Variants in MIPEP observed in about 807,000 individuals in gnomAD.
MIPEP encodes mitochondrial intermediate peptidase.
A neutral mutation model predicts 90.3 loss-of-function variants in MIPEP; 79 were observed. The ratio of observed to expected loss-of-function variants is 0.87; its 90% confidence interval spans 0.73 to 1.05. The LOEUF is 1.05. Ranked by LOEUF, MIPEP falls within the 50% of genes least tolerant of loss-of-function variation. The pLI is 0.00. For missense variants in MIPEP, 940 were observed against 905.6 expected (o/e 1.04, Z -0.49); for synonymous variants, 334 against 315.8 (o/e 1.06, Z -0.61).
intron 5 of MIPEP, among the ~76,000 whole-genome samples, chr13:23,874,632 T>C (rs1870979353): frequency 6.6e-6 from 1 of 152,232 alleles, no homozygotes. Flanking sequence ...CTCAAGCCTG[T>C]CTTAATTCTG....
intron 5 of MIPEP, among the ~76,000 whole-genome samples, chr13:23,871,016 G>T (rs770936984): frequency 7.2e-5 from 11 of 152,136 alleles, no homozygotes; most frequent in Non-Finnish European, 1.6e-4. Context: ...GGGCAACAAA[G>T]CGAGACCCTG....
intron 6 of MIPEP, 92 bp downstream of exon 6, chr13:23,869,921 A>C (rs1364881893): frequency 9.6e-7 from 1 of 1,039,206 alleles, no homozygotes; most frequent in African/African-American, 1.6e-5. Flanking sequence ...AAAGTTTTTA[A>C]GGATACTATT....
intron 10 of MIPEP, among the ~76,000 whole-genome samples, chr13:23,853,788 G>C (rs1034106400): frequency 6.6e-6 from 1 of 151,752 alleles, no homozygotes; most frequent in Admixed American, 6.6e-5. Context: ...GGCTGGTCTT[G>C]AACTCCTGAC....
At chr13:23,795,093 A>T (rs755586905) in intron 16 of MIPEP, among the ~76,000 whole-genome samples, 11 of 152,212 alleles carry the variant, frequency 7.2e-5, no homozygotes, top group Non-Finnish European at 1.5e-4. Flanking sequence ...GCTTAGCAAC[A>T]TCAAATATTC....
chr13:23,857,904 C>T (rs1593194582), intron 10 of MIPEP, among the ~76,000 whole-genome samples: 1 of 151,918 alleles, frequency 6.6e-6, no homozygotes, highest in East Asian at 1.9e-4. Flanking sequence ...TTCAATAATG[C>T]ATAGTAATAA....
chr13:23,857,277 T>C (rs952917769), intron 10 of MIPEP, among the ~76,000 whole-genome samples: 6 of 152,140 alleles, frequency 3.9e-5, no homozygotes, highest in Admixed American at 3.9e-4. Flanking sequence ...ATAACCAAAT[T>C]ATTATAGACT....
chr13:23,848,037 G>A (rs1265597930), intron 10 of MIPEP, among the ~76,000 whole-genome samples: 1 of 152,152 alleles, frequency 6.6e-6, no homozygotes, highest in Non-Finnish European at 1.5e-5. Context: ...AGGCAATCTG[G>A]AATACAAGAA....
At chr13:23,854,188 ATTTT>A (rs568842347) in intron 10 of MIPEP, among the ~76,000 whole-genome samples, 11 of 114,166 alleles carry the variant, frequency 9.6e-5, no homozygotes, top group East Asian at 2.6e-4. Flanking sequence ...AGCCAGGCTA[ATTTT>A]TTTTTTTTTT....
chr13:23,869,884 TA>T (rs1644838943), intron 6 of MIPEP, 128 bp downstream of exon 6: 1 of 580,798 alleles, frequency 1.7e-6, no homozygotes. Flanking sequence ...TTCCACAAGT[TA>T]AATTTTTAGG....
At position 23,858,871 on chromosome 13, in the gene MIPEP, A is replaced by C. The variant is rs1275522473; in HGVS notation, c.1095T>G (p.Ile365Met). The C allele has an allele frequency of 6.2e-7, 1 of 1,613,518 alleles. No homozygotes were observed. Among genetic ancestry groups the C allele is most frequent in the South Asian group, 1.1e-5 (1 of 91,072 alleles). The change falls in exon 10 of 19, where the codon ATT becomes ATG. Residue 365 changes from isoleucine to methionine, a missense_variant. Physicochemically the swap from Ile to Met is conservative, Grantham distance 10 (BLOSUM62 1). Coordinates refer to ENST00000382172, the MANE Select transcript of MIPEP (RefSeq NM_005932.4). ...CTTGAAAAACTTACCTTTCTGCACGAATCACACCACTGTAGTAAGGGGGGT... is the reference window on the plus strand; with the variant it reads ...CTTGAAAAACTTACCTTTCTGCACGCATCACACCACTGTAGTAAGGGGGGT... ...PWDPPYYSGVIRAERYNIEPS... is the reference protein window; with the variant it reads ...PWDPPYYSGVMRAERYNIEPS...
intron 16 of MIPEP, among the ~76,000 whole-genome samples, chr13:23,780,231 G>A (rs1012559807): frequency 7.2e-5 from 11 of 152,194 alleles, no homozygotes; most frequent in Admixed American, 2.6e-4. Flanking sequence ...CACCTCACAC[G>A]GCCGGGTACC....
intron 14 of MIPEP, among the ~76,000 whole-genome samples, chr13:23,834,109 GGA>G (rs1868907489): frequency 6.6e-6 from 1 of 152,132 alleles, no homozygotes. Context: ...AAGGGTGGGT[GGA>G]GAGAGGCCAC....
intron 14 of MIPEP, among the ~76,000 whole-genome samples, chr13:23,813,973 T>C (rs556356699): frequency 1.3e-5 from 2 of 152,210 alleles, no homozygotes; most frequent in Non-Finnish European, 2.9e-5. Context: ...AGATGATAGG[T>C]AATGAGCAAC....
intron 7 of MIPEP, among the ~76,000 whole-genome samples, chr13:23,866,021 A>AC (rs796390534): frequency 3.3e-5 from 5 of 149,990 alleles, no homozygotes; most frequent in African/African-American, 9.9e-5. Flanking sequence ...TCAGTTTGAA[A>AC]CCCCCCACTA....
chr13:23,861,387 A>G (rs1767152815), intron 9 of MIPEP, among the ~76,000 whole-genome samples: 1 of 152,198 alleles, frequency 6.6e-6, no homozygotes, highest in African/African-American at 2.4e-5. Flanking sequence ...AAGCCTACCT[A>G]CCAGGTCAAG....
intron 14 of MIPEP, among the ~76,000 whole-genome samples, chr13:23,827,036 G>T (rs1868485557): frequency 1.3e-5 from 2 of 152,284 alleles, no homozygotes; most frequent in African/African-American, 2.4e-5. Context: ...ATGATTTAAA[G>T]TATACAGCAG....
intron 16 of MIPEP, among the ~76,000 whole-genome samples, chr13:23,804,448 T>C (rs75524688): frequency 6.6e-6 from 1 of 152,210 alleles, no homozygotes; most frequent in Non-Finnish European, 1.5e-5. Flanking sequence ...TAGTAAAATC[T>C]AGGCAATTGT....
chr13:23,752,209 A>G (rs1017813354), intron 18 of MIPEP, among the ~76,000 whole-genome samples: 2 of 152,266 alleles, frequency 1.3e-5, no homozygotes, highest in African/African-American at 4.8e-5. Flanking sequence ...TAAAAATTTT[A>G]CATAACATAA....
At chr13:23,741,047 G>A (rs1394886806) in intron 18 of MIPEP, among the ~76,000 whole-genome samples, 1 of 152,168 alleles carries the variant, frequency 6.6e-6, no homozygotes, top group Non-Finnish European at 1.5e-5. Flanking sequence ...AGTGCCATGG[G>A]CCAAGACACC....
Sources: allele counts gnomAD v4.1 joint callset (sites outside exome capture counted in the v4.1 genomes callset), GRCh38; gene constraint gnomAD v4.1.1; transcripts MANE v1.5; gene names NCBI Gene and HGNC (gene_info 2026-07-23, HGNC 2026-07-21).